Variants in PCSK6 observed in about 807,000 individuals in gnomAD.
The protein encoded by PCSK6 is paired basic amino acid cleaving enzyme 4.
In PCSK6, 85 loss-of-function variants were observed where a neutral mutation model predicts 123.3. The ratio of observed to expected loss-of-function variants is 0.69; its 90% CI spans 0.58 to 0.83. The LOEUF (loss-of-function observed/expected upper bound fraction) is 0.83. PCSK6 is among the 40% of genes least tolerant of loss of function. The probability of loss-of-function intolerance (pLI) is 0.00; values close to 1 mark genes in which losing one functional copy is unlikely to be tolerated. For synonymous variants in PCSK6, 508 were observed against 516.0 expected (o/e 0.98, Z 0.21); for missense variants, 1,191 against 1,282.3 (o/e 0.93, Z 1.09).
At chr15:101,412,950 T>C (rs1372637755) in intron 6 of PCSK6, among the ~76,000 whole-genome samples, 1 of 149,688 alleles carries the variant, frequency 6.7e-6, no homozygotes, top group African/African-American at 2.5e-5. Flanking sequence ...ACTGCCCCAC[T>C]GCACTCCAGC....
chr15:101,488,679 G>A (rs2058079333), intron 1 of PCSK6, among the ~76,000 whole-genome samples: 1 of 152,048 alleles, frequency 6.6e-6, no homozygotes, highest in South Asian at 2.1e-4. Flanking sequence ...CGCGGCAGAA[G>A]CCCCCACACA....
chr15:101,432,714 T>C lies in PCSK6; in HGVS notation c.403-614A>G, dbSNP rs185678618. Reference sequence around the variant, plus strand: ...GGGAGAGAAGGAAGGAAGCCAGCCTTGTGAAATTGCCGATAAATTATCTGG... The same window carrying C: ...GGGAGAGAAGGAAGGAAGCCAGCCTCGTGAAATTGCCGATAAATTATCTGG... On this transcript the variant is annotated intron_variant, in intron 2 of 21. Transcript: ENST00000611716. Among the ~76,000 whole-genome samples the C allele has an allele frequency of 4.5e-3, 681 of 151,964 alleles. 3 individuals are homozygous for C. Among genetic ancestry groups the C allele is most frequent in the Non-Finnish European group, 6.7e-3 (455 of 67,986 alleles).
At chr15:101,421,934 A>T (rs1415138406) in intron 6 of PCSK6, among the ~76,000 whole-genome samples, 1 of 152,230 alleles carries the variant, frequency 6.6e-6, no homozygotes, top group East Asian at 1.9e-4. Flanking sequence ...AACTCTTCTT[A>T]TTAAAGATAA....
At position 101,401,951 on chromosome 15, in the gene PCSK6, C is replaced by A. The variant is rs2042600131; in HGVS notation, c.824-3375G>T. Among the ~76,000 whole-genome samples, 4 of 152,068 alleles carry A rather than the reference C, an allele frequency of 2.6e-5. No homozygotes were observed. In the South Asian group the frequency reaches 8.3e-4, roughly 32 times the overall value. On this transcript the variant is annotated intron_variant, in intron 6 of 21. Coordinates refer to ENST00000611716, the MANE Select transcript of PCSK6 (RefSeq NM_002570.5). ...GTTCATATGGAACCAAAAAAGAGCC[C>A]ACATTGCCAAGTCAATCCTAAGCCA...
chr15:101,337,621 TC>T (rs1452958388), intron 13 of PCSK6, among the ~76,000 whole-genome samples: 1 of 152,240 alleles, frequency 6.6e-6, no homozygotes. Context: ...TCTTTCTTTT[TC>T]CACTTAGCAT....
At chr15:101,456,142 G>C (rs577238077) in intron 1 of PCSK6, among the ~76,000 whole-genome samples, 20 of 152,326 alleles carry the variant, frequency 1.3e-4, no homozygotes, top group African/African-American at 4.8e-4. Flanking sequence ...AACTTCAGCA[G>C]CACTAATTTA....
intron 1 of PCSK6, among the ~76,000 whole-genome samples, chr15:101,456,374 G>A (rs557300218): frequency 7.2e-5 from 11 of 152,294 alleles, no homozygotes; most frequent in South Asian, 4.1e-4. Context: ...TGCTCCAACC[G>A]TTCCTTCCTC....
At position 101,420,128 on chromosome 15, in the gene PCSK6, T is replaced by G. The variant is rs557937513; in HGVS notation, c.823+7764A>C. ...ATTGCTTGAACCCAGGAGGTGGAGG[T>G]TGCAGTGAGCTGAGATCATGCTACT... is the stretch of plus-strand genomic sequence containing the variant. On this transcript the variant is annotated intron_variant, in intron 6 of 21. Transcript: ENST00000611716. Among the ~76,000 whole-genome samples the G allele has an allele frequency of 2.1e-3, 313 of 147,462 alleles. 2 individuals carry two copies. The highest frequency in any genetic ancestry group is 2.4e-3 in the Non-Finnish European group (164 of 67,384).
At chr15:101,479,365 G>A (rs1445954446) in intron 1 of PCSK6, among the ~76,000 whole-genome samples, 1 of 152,274 alleles carries the variant, frequency 6.6e-6, no homozygotes, top group Non-Finnish European at 1.5e-5. Flanking sequence ...AAAAGTGAAG[G>A]GTTCTGGGTG....
rs1044707051 is a variant in PCSK6 at position 101,363,860 on chromosome 15, G to A, written c.1858+2336C>T. On this transcript the variant is annotated intron_variant, in intron 13 of 21. Transcript: ENST00000611716. ...TCACCGTGTTAGCCAGGATGGTCTC[G>A]ATCTCCTGACTTCGTGATCCACCCG... 1.3e-4 allele frequency among the ~76,000 whole-genome samples: 19 copies of A among 151,232 alleles called. No individual in the cohort carries two copies. In the East Asian group the frequency reaches 3.1e-3, roughly 25 times the overall value.
intron 6 of PCSK6, among the ~76,000 whole-genome samples, chr15:101,401,535 C>T (rs967199557): frequency 1.3e-5 from 2 of 152,128 alleles, no homozygotes; most frequent in Non-Finnish European, 2.9e-5. Flanking sequence ...CAGTGAGCCT[C>T]GGAGCCAGCA....
At chr15:101,367,559 G>A (rs933650665) in intron 12 of PCSK6, among the ~76,000 whole-genome samples, 5 of 152,168 alleles carry the variant, frequency 3.3e-5, no homozygotes, top group African/African-American at 9.7e-5. Context: ...TTTCACACTC[G>A]ATGCCAAGCT....
At position 101,431,480 on chromosome 15, in the gene PCSK6, C is replaced by T. The variant is rs1410798054; in HGVS notation, c.514-17G>A. 1 of 1,613,342 alleles carries T rather than the reference C, an allele frequency of 6.2e-7. No homozygotes were observed. The highest frequency in any genetic ancestry group is 1.7e-5 in the Admixed American group (1 of 59,936). On this transcript the variant is annotated splice_polypyrimidine_tract_variant and intron_variant, in intron 3 of 21. Coordinates refer to ENST00000611716, the MANE Select transcript of PCSK6 (RefSeq NM_002570.5). ...GCCACAATGCTGTAAGCACGAAAGA[C>T]ACAAAGTCCCCCCGACATGGACATT...
intron 2 of PCSK6, among the ~76,000 whole-genome samples, chr15:101,441,898 C>G (rs888899266): frequency 1.3e-5 from 2 of 152,292 alleles, no homozygotes; most frequent in South Asian, 4.1e-4. Flanking sequence ...CTGCGTCGAC[C>G]TCTTTCCTAG....
chr15:101,465,963 C>T (rs944147738), intron 1 of PCSK6, among the ~76,000 whole-genome samples: 8 of 152,138 alleles, frequency 5.3e-5, no homozygotes, highest in Admixed American at 4.6e-4. Context: ...AGAAAAGTTA[C>T]AAACACGGTA....
At chr15:101,488,611 C>CA (rs1382834951) in intron 1 of PCSK6, among the ~76,000 whole-genome samples, 1 of 152,130 alleles carries the variant, frequency 6.6e-6, no homozygotes, top group South Asian at 2.1e-4. Context: ...CCACTGACTG[C>CA]AAAGGAGCTT....
At chr15:101,389,611 A>C (rs748866344) in intron 8 of PCSK6, 47 bp from the exon 9 acceptor site, 1 of 1,486,792 alleles carries the variant, frequency 6.7e-7, no homozygotes, top group Non-Finnish European at 9.3e-7. Context: ...AGACAGGCTA[A>C]CTCACTCTGT....
intron 1 of PCSK6, among the ~76,000 whole-genome samples, chr15:101,467,694 C>G (rs1055243021): frequency 6.6e-6 from 1 of 152,224 alleles, no homozygotes; most frequent in African/African-American, 2.4e-5. Context: ...CACAGCTAAG[C>G]TGGGGCCATA....
chr15:101,377,470 T>C (rs193011983), intron 11 of PCSK6, among the ~76,000 whole-genome samples: 6 of 152,300 alleles, frequency 3.9e-5, no homozygotes, highest in East Asian at 3.9e-4. Flanking sequence ...TCCTAACTCC[T>C]TTCTGCCTCC....
Sources: gnomAD v4.1 joint callset for allele counts (sites outside exome capture counted in the v4.1 genomes callset) on GRCh38, gnomAD v4.1.1 for gene constraint, MANE v1.5 for transcripts, NCBI Gene and HGNC (gene_info 2026-07-23, HGNC 2026-07-21) for gene names.